MTUS2: variants seen among roughly 807,000 people sequenced by gnomAD.
The protein encoded by MTUS2 is microtubule associated scaffold protein 2.
MTUS2 carries 40 observed loss-of-function variants against 114.1 expected under a neutral mutation model. The ratio of observed to expected loss-of-function variants is 0.35; its 90% CI spans 0.27 to 0.46. The LOEUF (loss-of-function observed/expected upper bound fraction) is 0.46. MTUS2 is among the 20% of genes least tolerant of loss of function. The probability of loss-of-function intolerance (pLI) is 1.00; values close to 1 mark genes in which losing one functional copy is unlikely to be tolerated. For missense variants in MTUS2, 1,679 were observed against 1,705.4 expected (o/e 0.98, Z 0.27); for synonymous variants, 688 against 672.0 (o/e 1.02, Z -0.37).
chr13:29,276,963 TTCTC>T (rs1014432146), intron 5 of MTUS2, among the ~76,000 whole-genome samples: 92 of 152,176 alleles, frequency 6.0e-4, no homozygotes, highest in African/African-American at 2.1e-3. Context: ...TATAGGGAAA[TTCTC>T]TCAATGACAT....
chr13:28,881,830 G>A (rs991787244), intron 2 of MTUS2, among the ~76,000 whole-genome samples: 18 of 152,258 alleles, frequency 1.2e-4, no homozygotes, highest in Middle Eastern at 6.8e-3. Context: ...GAGGACTTAC[G>A]TTACTGAATA....
chr13:29,373,690 A>T (rs1236185867), intron 8 of MTUS2, among the ~76,000 whole-genome samples: 2 of 152,236 alleles, frequency 1.3e-5, no homozygotes, highest in African/African-American at 2.4e-5. Flanking sequence ...TGGAAGCACA[A>T]CTTACAGAAG....
intron 4 of MTUS2, among the ~76,000 whole-genome samples, chr13:29,070,885 A>G (rs988516875): frequency 9.9e-5 from 15 of 151,440 alleles, no homozygotes; most frequent in African/African-American, 9.7e-5. Flanking sequence ...TGCATTTTAG[A>G]CAATCTTACT....
Position 29,178,901 on chromosome 13 carries a change from G to A in MTUS2, c.2644+77931G>A, listed in dbSNP as rs534756770. On this transcript the variant is annotated intron_variant, in intron 5 of 15. Transcript: ENST00000612955. The stretch of plus-strand genomic sequence containing the variant: ...GTAAGACTACGTAAATTAAAGTGGA[G>A]CACCAGAATTTAAATGAAGTAGGGC... Among the ~76,000 whole-genome samples the A allele has an allele frequency of 3.3e-4, 51 of 152,254 alleles. No individual in the cohort carries two copies. In the South Asian group the frequency reaches 0.011, roughly 32 times the overall value.
At chr13:29,232,723 G>A (rs1168624616) in intron 5 of MTUS2, among the ~76,000 whole-genome samples, 1 of 152,146 alleles carries the variant, frequency 6.6e-6, no homozygotes, top group Non-Finnish European at 1.5e-5. Context: ...AGTTAGTACT[G>A]TCTGGGTTTC....
intron 3 of MTUS2, among the ~76,000 whole-genome samples, chr13:29,032,724 C>T (rs1174488145): frequency 1.3e-5 from 2 of 152,124 alleles, no homozygotes; most frequent in East Asian, 3.8e-4. Flanking sequence ...AAATGAGTAT[C>T]AATTTAAGGG....
At chr13:29,234,097 A>G (rs1896440990) in intron 5 of MTUS2, among the ~76,000 whole-genome samples, 1 of 152,208 alleles carries the variant, frequency 6.6e-6, no homozygotes, top group African/African-American at 2.4e-5. Context: ...TGGAGGGAAA[A>G]TAGCTTCCAG....
intron 8 of MTUS2, among the ~76,000 whole-genome samples, chr13:29,435,582 G>A (rs1340535577): frequency 1.3e-5 from 2 of 152,164 alleles, no homozygotes; most frequent in African/African-American, 4.8e-5. Flanking sequence ...CTTGATGGAT[G>A]GAGGAATAAC....
At chr13:29,401,748 T>C (rs1874365597) in intron 8 of MTUS2, among the ~76,000 whole-genome samples, 1 of 152,244 alleles carries the variant, frequency 6.6e-6, no homozygotes, top group South Asian at 2.1e-4. Context: ...TTATCCACTA[T>C]GGTTTATAAC....
chr13:28,948,145 A>T (rs768624159), intron 2 of MTUS2, among the ~76,000 whole-genome samples: 2 of 152,188 alleles, frequency 1.3e-5, no homozygotes, highest in Non-Finnish European at 2.9e-5. Flanking sequence ...TTTTGCTGTT[A>T]ATCTGACTTC....
intron 5 of MTUS2, among the ~76,000 whole-genome samples, chr13:29,149,339 G>A (rs1259347439): frequency 6.6e-6 from 1 of 152,124 alleles, no homozygotes; most frequent in African/African-American, 2.4e-5. Context: ...AGAAGTGTCT[G>A]TTCATGTCCT....
chr13:28,934,906 C>G (rs1248217229), intron 2 of MTUS2, among the ~76,000 whole-genome samples: 1 of 152,066 alleles, frequency 6.6e-6, no homozygotes, highest in Non-Finnish European at 1.5e-5. Context: ...TAACCACCAT[C>G]CCCATCAAGT....
At chr13:29,324,557 A>G (rs764713623) in intron 6 of MTUS2, 56 bp from the exon 7 acceptor site, 1 of 1,320,544 alleles carries the variant, frequency 7.6e-7, no homozygotes, top group South Asian at 1.3e-5. Flanking sequence ...TTATGTTGCC[A>G]TTTCAATTTT....
chr13:29,181,112 C>T (rs1302518219), intron 5 of MTUS2, among the ~76,000 whole-genome samples: 2 of 152,034 alleles, frequency 1.3e-5, no homozygotes, highest in African/African-American at 4.8e-5. Context: ...GAATGAGCGT[C>T]AGGGAGAGAG....
intron 2 of MTUS2, among the ~76,000 whole-genome samples, chr13:29,012,296 G>A (rs374660424): frequency 1.6e-4 from 24 of 152,190 alleles, no homozygotes; most frequent in African/African-American, 5.5e-4. Flanking sequence ...GCACCAACCC[G>A]ACTCACGCCC....
At chr13:29,401,176 C>T (rs891921416) in intron 8 of MTUS2, among the ~76,000 whole-genome samples, 1 of 152,104 alleles carries the variant, frequency 6.6e-6, no homozygotes, top group Non-Finnish European at 1.5e-5. Flanking sequence ...TTAGTAGAGA[C>T]GGTCTCACCG....
At chr13:29,256,570 T>C (rs1246953986) in intron 5 of MTUS2, among the ~76,000 whole-genome samples, 1 of 152,244 alleles carries the variant, frequency 6.6e-6, no homozygotes, top group Non-Finnish European at 1.5e-5. Context: ...TCTGCACATA[T>C]AGCTGGCACT....
chr13:29,151,877 A>T (rs554640984), intron 5 of MTUS2, among the ~76,000 whole-genome samples: 1 of 152,192 alleles, frequency 6.6e-6, no homozygotes, highest in Non-Finnish European at 1.5e-5. Flanking sequence ...ATCCCAGGAG[A>T]AAAGACTCTT....
chr13:28,979,877 C>CT (rs1711785467), intron 2 of MTUS2, among the ~76,000 whole-genome samples: 1 of 152,018 alleles, frequency 6.6e-6, no homozygotes, highest in Non-Finnish European at 1.5e-5. Flanking sequence ...TTGGAGCAAC[C>CT]TTTTTTGGGG....
Sources: allele counts gnomAD v4.1 joint callset (sites outside exome capture counted in the v4.1 genomes callset), GRCh38; gene constraint gnomAD v4.1.1; transcripts MANE v1.5; gene names NCBI Gene and HGNC (gene_info 2026-07-23, HGNC 2026-07-21).